Variants in HMGA2 observed in about 807,000 individuals in gnomAD.
The protein encoded by HMGA2 is high mobility group AT-hook 2.
In HMGA2, 8 loss-of-function variants were observed where a neutral mutation model predicts 19.1. That is an observed-to-expected ratio of 0.42 (90% CI 0.25 to 0.76). The LOEUF is 0.76. Ranked by LOEUF, HMGA2 falls within the 30% of genes least tolerant of loss-of-function variation. The pLI is 0.28. For synonymous variants in HMGA2, 60 were observed against 48.8 expected (o/e 1.23, Z -0.96); for missense variants, 109 against 136.3 (o/e 0.80, Z 1.00).
intron 3 of HMGA2, among the ~76,000 whole-genome samples, chr12:65,863,409 A>C (rs1221160549): frequency 6.6e-6 from 1 of 151,338 alleles, no homozygotes. Context: ...CTTGGCCTCA[A>C]ACTAAAACTG....
At chr12:65,911,471 A>G (rs1333438342) in intron 3 of HMGA2, among the ~76,000 whole-genome samples, 1 of 152,214 alleles carries the variant, frequency 6.6e-6, no homozygotes, top group Non-Finnish European at 1.5e-5. Context: ...TCTACTCAAC[A>G]GAGCAGCTTC....
intron 3 of HMGA2, among the ~76,000 whole-genome samples, chr12:65,933,292 T>G (rs1374129214): frequency 6.6e-6 from 1 of 152,174 alleles, no homozygotes; most frequent in African/African-American, 2.4e-5. Flanking sequence ...TACATGCTGA[T>G]ATACAGGAAA....
chr12:65,916,526 AAAC>A (rs1427519886), intron 3 of HMGA2, among the ~76,000 whole-genome samples: 1 of 152,236 alleles, frequency 6.6e-6, no homozygotes, highest in Non-Finnish European at 1.5e-5. Context: ...AGAAAAGCTT[AAAC>A]AATACGCATA....
chr12:65,829,540 C>A (rs1293258971), intron 2 of HMGA2, among the ~76,000 whole-genome samples: 1 of 151,910 alleles, frequency 6.6e-6, no homozygotes, highest in Non-Finnish European at 1.5e-5. Context: ...AGGAGATGCA[C>A]AAATGAATAT....
At chr12:65,887,207 A>G (rs886085365) in intron 3 of HMGA2, among the ~76,000 whole-genome samples, 1 of 152,208 alleles carries the variant, frequency 6.6e-6, no homozygotes, top group Middle Eastern at 3.2e-3. Flanking sequence ...GGCCAGTTCA[A>G]TGAAGGCAAT....
At chr12:65,853,788 A>G (rs993566692) in intron 3 of HMGA2, among the ~76,000 whole-genome samples, 11 of 152,180 alleles carry the variant, frequency 7.2e-5, no homozygotes, top group African/African-American at 2.7e-4. Context: ...CAATAAATTC[A>G]GTTGCTTTTC....
chr12:65,840,351 A>G (rs1376245412), intron 3 of HMGA2, among the ~76,000 whole-genome samples: 1 of 152,222 alleles, frequency 6.6e-6, no homozygotes, highest in Admixed American at 6.5e-5. Context: ...GGGAAGACTC[A>G]AGCATCAGGG....
intron 3 of HMGA2, among the ~76,000 whole-genome samples, chr12:65,903,618 T>C (rs550202450): frequency 1.3e-5 from 2 of 152,078 alleles, no homozygotes; most frequent in South Asian, 4.1e-4. Context: ...GTTCGAGAAA[T>C]CACAGTGAGT....
chr12:65,902,342 A>G (rs916386608), intron 3 of HMGA2, among the ~76,000 whole-genome samples: 1 of 152,116 alleles, frequency 6.6e-6, no homozygotes. Flanking sequence ...ATTCCTCAAA[A>G]CTAATCTTTT....
intron 3 of HMGA2, among the ~76,000 whole-genome samples, chr12:65,891,777 T>C (rs1873922065): frequency 6.6e-6 from 1 of 152,204 alleles, no homozygotes; most frequent in African/African-American, 2.4e-5. Context: ...GTGACTTATC[T>C]AATAACTGTG....
At chr12:65,900,941 C>A (rs138016116) in intron 3 of HMGA2, among the ~76,000 whole-genome samples, 1 of 152,090 alleles carries the variant, frequency 6.6e-6, no homozygotes, top group Admixed American at 6.5e-5. Context: ...ATGTGTAAAG[C>A]TCATCATTTC....
At chr12:65,922,753 T>C (rs767501587) in intron 3 of HMGA2, among the ~76,000 whole-genome samples, 6 of 152,146 alleles carry the variant, frequency 3.9e-5, no homozygotes, top group Non-Finnish European at 8.8e-5. Flanking sequence ...TCAACTCAAA[T>C]TGTAGCTCCT....
Position 65,887,277 on chromosome 12 carries a change from A to G in HMGA2, c.249+48708A>G, listed in dbSNP as rs574351694. ...GCATTCCAATGAGTCACCATATGGA[A>G]GAGGATTAAGGAAAATATTTTATAC... is the stretch of plus-strand genomic sequence containing the variant. On this transcript the variant is annotated intron_variant, in intron 3 of 4. Coordinates refer to ENST00000403681, the MANE Select transcript of HMGA2 (RefSeq NM_003483.6). 6.6e-5 allele frequency among the ~76,000 whole-genome samples: 10 copies of G among 152,298 alleles called. No individual in the cohort carries two copies. In the East Asian group the frequency reaches 1.7e-3, roughly 26 times the overall value.
chr12:65,875,427 T>C (rs1195065015), intron 3 of HMGA2, among the ~76,000 whole-genome samples: 1 of 151,644 alleles, frequency 6.6e-6, no homozygotes, highest in Non-Finnish European at 1.5e-5. Context: ...TTTTGTCTGT[T>C]TGTTTGTTTG....
intron 1 of HMGA2, 44 bp from the exon 2 acceptor site, chr12:65,827,957 A>C: frequency 7.3e-7 from 1 of 1,362,430 alleles, no homozygotes; most frequent in Non-Finnish European, 1.1e-6. Flanking sequence ...AATTTCTTTC[A>C]GACATTCTTG....
At chr12:65,852,157 G>A (rs1320466235) in intron 3 of HMGA2, among the ~76,000 whole-genome samples, 1 of 149,970 alleles carries the variant, frequency 6.7e-6, no homozygotes, top group Non-Finnish European at 1.5e-5. Flanking sequence ...TACAAATAAA[G>A]CACCTTGCAA....
intron 3 of HMGA2, among the ~76,000 whole-genome samples, chr12:65,854,416 G>T (rs377536449): frequency 1.3e-5 from 2 of 152,098 alleles, no homozygotes; most frequent in African/African-American, 4.8e-5. Flanking sequence ...TAAAACTGTA[G>T]AACAAGATCT....
intron 2 of HMGA2, chr12:65,830,672 G>A (rs1353371980): frequency 6.6e-6 from 1 of 151,802 alleles, no homozygotes; most frequent in Non-Finnish European, 1.5e-5. Flanking sequence ...ATTGGCCTTG[G>A]GACATTTGAA....
chr12:65,958,918 C>T (rs1876674801), intron 4 of HMGA2: 1 of 151,996 alleles, frequency 6.6e-6, no homozygotes, highest in African/African-American at 2.4e-5. Context: ...CACTCCGTAC[C>T]ACACACAAAG....
Sources: allele counts gnomAD v4.1 joint callset (sites outside exome capture counted in the v4.1 genomes callset), GRCh38; gene constraint gnomAD v4.1.1; transcripts MANE v1.5; gene names NCBI Gene and HGNC (gene_info 2026-07-23, HGNC 2026-07-21).